The following TBXAS1 variants were observed in gnomAD, a reference collection of about 807,000 sequenced individuals.
TBXAS1 encodes thromboxane A synthase 1, also known as thromboxane-A synthase.
A neutral mutation model predicts 60.7 loss-of-function variants in TBXAS1; 48 were observed. The ratio of observed to expected loss-of-function variants is 0.79; its 90% CI spans 0.63 to 1.01. The LOEUF (loss-of-function observed/expected upper bound fraction) is 1.01. Among genes scored for constraint, TBXAS1 ranks in the 50% least tolerant of loss-of-function variants. The probability of loss-of-function intolerance (pLI) is 0.00; values close to 1 mark genes in which losing one functional copy is unlikely to be tolerated. For synonymous variants in TBXAS1, 287 were observed against 269.7 expected (o/e 1.06, Z -0.63); for missense variants, 685 against 686.3 (o/e 1.00, Z 0.02).
chr7:139,828,338 A>AT (rs1157060499), upstream of TBXAS1, among the ~76,000 whole-genome samples: 1 of 152,034 alleles, frequency 6.6e-6, no homozygotes. Flanking sequence ...ATTTTCAATT[A>AT]TTTTTTCTTT....
chr7:139,990,959 A>G (rs1270556076), intron 9 of TBXAS1, among the ~76,000 whole-genome samples: 1 of 152,138 alleles, frequency 6.6e-6, no homozygotes, highest in African/African-American at 2.4e-5. Flanking sequence ...GCAGCAGGAC[A>G]TTGCAGGAGC....
At chr7:139,883,531 C>G (rs1802854403) in intron 3 of TBXAS1, among the ~76,000 whole-genome samples, 1 of 152,192 alleles carries the variant, frequency 6.6e-6, no homozygotes. Flanking sequence ...GATCAAGAAC[C>G]TGTATTAATT....
chr7:139,821,907 G>A (rs370960809), intron 4 of TBXAS1, among the ~76,000 whole-genome samples: 11 of 152,318 alleles, frequency 7.2e-5, no homozygotes, highest in African/African-American at 2.6e-4. Context: ...TCTGTGGCAC[G>A]AATGCTGTAC....
At chr7:140,007,323 TC>T in intron 10 of TBXAS1, 141 bp downstream of exon 10, 1 of 745,538 alleles carries the variant, frequency 1.3e-6, no homozygotes, top group Non-Finnish European at 2.4e-6. Flanking sequence ...TTCCTTTGTA[TC>T]CCCATGGCAC....
At chr7:139,917,290 C>A (rs1187910694) in intron 4 of TBXAS1, among the ~76,000 whole-genome samples, 1 of 152,158 alleles carries the variant, frequency 6.6e-6, no homozygotes, top group Non-Finnish European at 1.5e-5. Flanking sequence ...TTTTATGTGA[C>A]CTCCGTCTCC....
chr7:139,964,278 T>C (rs996410135), intron 9 of TBXAS1, among the ~76,000 whole-genome samples: 3 of 152,064 alleles, frequency 2.0e-5, no homozygotes, highest in Non-Finnish European at 4.4e-5. Context: ...AGATACGGGG[T>C]TTCACCACGT....
chr7:139,877,513 C>T (rs1315960955), intron 3 of TBXAS1, among the ~76,000 whole-genome samples: 1 of 139,784 alleles, frequency 7.2e-6, no homozygotes, highest in Non-Finnish European at 1.6e-5. Context: ...ACCTCTGCCT[C>T]CTGAGCTCAA....
chr7:139,861,486 A>T (rs1005539541), intron 1 of TBXAS1, among the ~76,000 whole-genome samples: 3 of 147,072 alleles, frequency 2.0e-5, no homozygotes, highest in Non-Finnish European at 4.5e-5. Context: ...ACCTCAAGTG[A>T]TCCTTGACCT....
At chr7:139,820,948 C>T (rs576550907) in intron 4 of TBXAS1, among the ~76,000 whole-genome samples, 10 of 152,208 alleles carry the variant, frequency 6.6e-5, no homozygotes, top group Non-Finnish European at 1.2e-4. Context: ...AAACCTTGCT[C>T]GTTCACTGTT....
At chr7:139,904,993 TTCTC>T (rs751056806) in intron 3 of TBXAS1, among the ~76,000 whole-genome samples, 6,327 of 123,828 alleles carry the variant, frequency 0.051, 190 homozygotes, top group African/African-American at 0.077. Context: ...CTTTCTCTCT[TTCTC>T]TCTTTCTCTC....
chr7:139,951,794 A>G (rs1809307397), intron 5 of TBXAS1, among the ~76,000 whole-genome samples: 1 of 48,464 alleles, frequency 2.1e-5, no homozygotes, highest in Non-Finnish European at 4.4e-5. Context: ...AAAGAAAGAA[A>G]GAAAGAAAAA....
At chr7:139,930,641 G>C (rs562890461) in intron 4 of TBXAS1, among the ~76,000 whole-genome samples, 2 of 152,146 alleles carry the variant, frequency 1.3e-5, no homozygotes, top group African/African-American at 2.4e-5. Context: ...TAAGGGATTG[G>C]GAAGTTAAGG....
intron 10 of TBXAS1, among the ~76,000 whole-genome samples, chr7:140,014,268 C>T (rs926898640): frequency 1.3e-5 from 2 of 152,146 alleles, no homozygotes; most frequent in African/African-American, 2.4e-5. Flanking sequence ...TTCTGGTTTC[C>T]GGCTTTCTCA....
At chr7:139,793,366 G>A (rs759852824) in intron 4 of TBXAS1, among the ~76,000 whole-genome samples, 7 of 152,014 alleles carry the variant, frequency 4.6e-5, no homozygotes, top group Non-Finnish European at 8.8e-5. Flanking sequence ...GTTGCAGTGA[G>A]CCAAGATCCA....
intron 3 of TBXAS1, among the ~76,000 whole-genome samples, chr7:139,787,082 G>C (rs548317025): frequency 6.6e-6 from 1 of 152,172 alleles, no homozygotes; most frequent in Non-Finnish European, 1.5e-5. Context: ...ATTTCCTTAT[G>C]TGTTTTATCA....
chr7:140,002,062 C>T (rs1339018088), intron 9 of TBXAS1, among the ~76,000 whole-genome samples: 5 of 152,172 alleles, frequency 3.3e-5, no homozygotes, highest in Non-Finnish European at 4.4e-5. Flanking sequence ...TTACGTCTCC[C>T]GGGCCTAGCA....
chr7:139,796,738 G>A (rs944928952), intron 4 of TBXAS1, among the ~76,000 whole-genome samples: 1 of 152,138 alleles, frequency 6.6e-6, no homozygotes. Context: ...GGAGGGCCAG[G>A]TTTATATGGA....
At chr7:139,981,472 A>T (rs1334146280) in intron 9 of TBXAS1, among the ~76,000 whole-genome samples, 1 of 152,242 alleles carries the variant, frequency 6.6e-6, no homozygotes, top group Admixed American at 6.5e-5. Context: ...GCTGTGGAAA[A>T]GTGAAGCAGA....
chr7:139,870,514 A>G (rs1801739755), intron 1 of TBXAS1, among the ~76,000 whole-genome samples: 1 of 152,234 alleles, frequency 6.6e-6, no homozygotes, highest in Non-Finnish European at 1.5e-5. Context: ...TATTTAAAAC[A>G]TTATGGTCCA....
Sources: gnomAD v4.1 joint callset for allele counts (sites outside exome capture counted in the v4.1 genomes callset) on GRCh38, gnomAD v4.1.1 for gene constraint, MANE v1.5 for transcripts, NCBI Gene and HGNC (gene_info 2026-07-23, HGNC 2026-07-21) for gene names.